Variants in MAGI2 observed in about 807,000 individuals in gnomAD.
The protein encoded by MAGI2 is membrane-associated guanylate kinase, WW and PDZ domain-containing protein 2.
MAGI2 carries 35 observed loss-of-function variants against 133.3 expected under a neutral mutation model. That is an observed-to-expected ratio of 0.26 (90% CI 0.20 to 0.35). The LOEUF (loss-of-function observed/expected upper bound fraction) is 0.35. Ranked by LOEUF, MAGI2 falls within the 10% of genes least tolerant of loss-of-function variation. The pLI, the probability that MAGI2 is intolerant of heterozygous loss-of-function variation, is 1.00. For synonymous variants in MAGI2, 729 were observed against 710.6 expected (o/e 1.03, Z -0.41); for missense variants, 1,636 against 1,863.4 (o/e 0.88, Z 2.25).
At chr7:78,661,873 T>C (rs1812994835) in intron 2 of MAGI2, among the ~76,000 whole-genome samples, 1 of 152,134 alleles carries the variant, frequency 6.6e-6, no homozygotes, top group Non-Finnish European at 1.5e-5. Flanking sequence ...TATTTTTACA[T>C]GCAATTATTT....
At chr7:78,115,404 G>A (rs1400230338) in intron 20 of MAGI2, among the ~76,000 whole-genome samples, 1 of 152,120 alleles carries the variant, frequency 6.6e-6, no homozygotes, top group Non-Finnish European at 1.5e-5. Context: ...TAAATTGACT[G>A]AAATGACCAT....
At chr7:78,213,340 CT>C (rs1787952385) in intron 10 of MAGI2, among the ~76,000 whole-genome samples, 1 of 152,088 alleles carries the variant, frequency 6.6e-6, no homozygotes, top group South Asian at 2.1e-4. Context: ...TCCAGAAGTC[CT>C]GATAAAGGTT....
chr7:78,594,546 C>T (rs1371912206), intron 3 of MAGI2, among the ~76,000 whole-genome samples: 2 of 152,162 alleles, frequency 1.3e-5, no homozygotes, highest in Non-Finnish European at 2.9e-5. Flanking sequence ...CAAACTCTGC[C>T]TCCCGGGTTC....
intron 3 of MAGI2, among the ~76,000 whole-genome samples, chr7:78,625,242 A>T (rs1808219628): frequency 6.6e-6 from 1 of 152,154 alleles, no homozygotes; most frequent in Admixed American, 6.6e-5. Flanking sequence ...GAACCATAAG[A>T]TTTAAACTGA....
chr7:78,503,593 C>CCCTCCTCCTCCCCCTCCTCCTCCCCCT (rs1794831977), intron 4 of MAGI2, among the ~76,000 whole-genome samples: 1 of 66,716 alleles, frequency 1.5e-5, no homozygotes, highest in Admixed American at 1.5e-4. Context: ...CTCCTCCTCC[C>CCCTCCTCCTCCCCCTCCTCCTCCCCCT]CCTCCTCCTT....
At chr7:79,203,865 A>T (rs983633266) in intron 1 of MAGI2, among the ~76,000 whole-genome samples, 3 of 152,066 alleles carry the variant, frequency 2.0e-5, no homozygotes, top group African/African-American at 7.3e-5. Context: ...GCCTCAGGGT[A>T]GGACTCTCCA....
chr7:79,239,634 C>T (rs2129554889), intron 1 of MAGI2, among the ~76,000 whole-genome samples: 1 of 152,268 alleles, frequency 6.6e-6, no homozygotes, highest in Admixed American at 6.5e-5. Flanking sequence ...GGACTTGGCA[C>T]TCAGAGGTGA....
chr7:78,917,349 T>G (rs757112946), intron 2 of MAGI2, among the ~76,000 whole-genome samples: 20 of 152,024 alleles, frequency 1.3e-4, no homozygotes, highest in Non-Finnish European at 2.8e-4. Flanking sequence ...AGAGAGACAT[T>G]AATTTCTGCC....
chr7:78,032,499 GC>G (rs1809697674), intron 21 of MAGI2, among the ~76,000 whole-genome samples: 1 of 152,174 alleles, frequency 6.6e-6, no homozygotes, highest in Non-Finnish European at 1.5e-5. Flanking sequence ...ACATGTTTAA[GC>G]CATTGTGCCT....
intron 1 of MAGI2, chr7:79,124,790 G>T: frequency 6.1e-6 from 1 of 165,006 alleles, no homozygotes; most frequent in South Asian, 1.5e-4. Flanking sequence ...TGGGTTGGGG[G>T]AGTTGAGCTT....
At chr7:79,304,411 TC>T (rs1178991948) in intron 1 of MAGI2, among the ~76,000 whole-genome samples, 2 of 118,422 alleles carry the variant, frequency 1.7e-5, no homozygotes, top group Non-Finnish European at 4.0e-5. Flanking sequence ...TACAGTTTTT[TC>T]TTCCTTAGAT....
chr7:78,070,803 C>A (rs1006034739), intron 21 of MAGI2, among the ~76,000 whole-genome samples: 2 of 151,706 alleles, frequency 1.3e-5, no homozygotes, highest in Non-Finnish European at 2.9e-5. Context: ...CCACCACACC[C>A]GGCTGATTTC....
intron 9 of MAGI2, among the ~76,000 whole-genome samples, chr7:78,295,638 C>T (rs1797153068): frequency 6.6e-6 from 1 of 152,106 alleles, no homozygotes; most frequent in Non-Finnish European, 1.5e-5. Flanking sequence ...ATTGCTAGTC[C>T]CTTGTTCTGT....
At chr7:78,767,644 C>T (rs1309883527) in intron 2 of MAGI2, among the ~76,000 whole-genome samples, 1 of 152,116 alleles carries the variant, frequency 6.6e-6, no homozygotes, top group Non-Finnish European at 1.5e-5. Context: ...GCCATTACTA[C>T]TTAAGATATT....
At chr7:78,564,797 T>TTTTTTC in intron 3 of MAGI2, among the ~76,000 whole-genome samples, 1 of 125,978 alleles carries the variant, frequency 7.9e-6, no homozygotes, top group Non-Finnish European at 1.7e-5. Context: ...TTTTTTTTTT[T>TTTTTTC]TTTTTTTTTT....
At chr7:79,010,356 G>A (rs1216452117) in intron 1 of MAGI2, among the ~76,000 whole-genome samples, 2 of 151,962 alleles carry the variant, frequency 1.3e-5, no homozygotes, top group Non-Finnish European at 2.9e-5. Context: ...AATTAGAGAG[G>A]AATTAAACAA....
At chr7:78,224,490 AC>A (rs1789156449) in intron 10 of MAGI2, among the ~76,000 whole-genome samples, 1 of 152,044 alleles carries the variant, frequency 6.6e-6, no homozygotes, top group Admixed American at 6.6e-5. Context: ...CCATGGGGAA[AC>A]CCTGTCTCTG....
At chr7:79,253,575 C>T (rs927232719) in intron 1 of MAGI2, among the ~76,000 whole-genome samples, 5 of 151,762 alleles carry the variant, frequency 3.3e-5, no homozygotes, top group Non-Finnish European at 5.9e-5. Context: ...CCCAGGAAGC[C>T]GAGGTTTCAG....
At chr7:79,197,726 G>A (rs1828210087) in intron 1 of MAGI2, among the ~76,000 whole-genome samples, 1 of 151,980 alleles carries the variant, frequency 6.6e-6, no homozygotes, top group Admixed American at 6.6e-5. Flanking sequence ...AGTCCAAGGT[G>A]AAGGCTGTAC....
Sources: allele counts gnomAD v4.1 joint callset (sites outside exome capture counted in the v4.1 genomes callset), GRCh38; gene constraint gnomAD v4.1.1; transcripts MANE v1.5; gene names NCBI Gene and HGNC (gene_info 2026-07-23, HGNC 2026-07-21).